Variants in ASB5 observed in about 807,000 individuals in gnomAD.
ASB5 encodes the protein ankyrin repeat and SOCS box containing 5.
Under a neutral mutation model 42.1 loss-of-function variants are expected in ASB5, and 45 were observed. That is an observed-to-expected ratio of 1.07 (90% CI 0.84 to 1.37). The LOEUF is 1.37. ASB5 is among the 40% of genes most tolerant of loss of function. The probability of loss-of-function intolerance (pLI) is 0.00; values close to 1 mark genes in which losing one functional copy is unlikely to be tolerated. For synonymous variants in ASB5, 147 were observed against 150.6 expected, an observed-to-expected ratio of 0.98 and a Z score of 0.18; for missense variants, 402 against 399.8, an observed-to-expected ratio of 1.01 and a Z score of -0.05.
At chr4:176,246,529 G>A (rs1579327055) in intron 1 of ASB5, among the ~76,000 whole-genome samples, 1 of 152,194 alleles carries the variant, frequency 6.6e-6, no homozygotes, top group South Asian at 2.1e-4. Flanking sequence ...GTGAGTTCAG[G>A]TGCTGTGAAC....
intron 1 of ASB5, among the ~76,000 whole-genome samples, chr4:176,248,003 G>A (rs983918893): frequency 1.3e-5 from 2 of 152,188 alleles, no homozygotes; most frequent in East Asian, 1.9e-4. Flanking sequence ...AATATTTGGC[G>A]AGCACATTGC....
rs944772358 is a variant in ASB5 at position 176,222,348 on chromosome 4, C to A, written c.349G>T (p.Ala117Ser). The change falls in exon 3 of 7, where the codon GCA becomes TCA. Residue 117 changes from alanine to serine, a missense_variant. By Grantham distance (99) the Ala-to-Ser change is moderately conservative. Transcript: ENST00000296525. ...LHEACLGDHV[A>S]CARTLLEAGA... ...GCTTCCAGCAGAGTTCTGGCACATG[C>A]CACGTGATCTCCAAGGCAGGCTTCG... is the stretch of plus-strand genomic sequence containing the variant. 3.1e-6 allele frequency: 5 copies of A among 1,613,936 alleles called. No individual in the cohort carries two copies. The highest frequency in any genetic ancestry group is 4.2e-6 in the Non-Finnish European group (5 of 1,179,888).
chr4:176,237,580 C>G, intron 1 of ASB5: 1 of 985,408 alleles, frequency 1.0e-6, no homozygotes, highest in Non-Finnish European at 1.2e-6. Flanking sequence ...ACATTGAACT[C>G]TATTCAGAAA....
intron 1 of ASB5, among the ~76,000 whole-genome samples, chr4:176,263,984 G>T (rs1190408288): frequency 6.6e-6 from 1 of 151,122 alleles, no homozygotes; most frequent in African/African-American, 2.4e-5. Flanking sequence ...CTGCCATTCA[G>T]CTTAAGGTCA....
chr4:176,215,770 G>T (rs755997089), intron 6 of ASB5, 43 bp from the exon 7 acceptor site: 2 of 1,560,776 alleles, frequency 1.3e-6, no homozygotes, highest in Non-Finnish European at 1.7e-6. Flanking sequence ...AAATAGAAAT[G>T]AATTTTTTAT....
chr4:176,249,919 G>T (rs1366156469), intron 1 of ASB5, among the ~76,000 whole-genome samples: 1 of 144,038 alleles, frequency 6.9e-6, no homozygotes, highest in African/African-American at 2.5e-5. Flanking sequence ...CAAAAAATTA[G>T]CCGGGCGTGG....
chr4:176,254,882 A>C (rs1004950540), intron 1 of ASB5, among the ~76,000 whole-genome samples: 2 of 152,242 alleles, frequency 1.3e-5, no homozygotes, highest in Admixed American at 1.3e-4. Flanking sequence ...CTGTAATCCC[A>C]GCACTTTGGG....
chr4:176,251,893 C>A (rs1754044672), intron 1 of ASB5, among the ~76,000 whole-genome samples: 1 of 151,208 alleles, frequency 6.6e-6, no homozygotes, highest in African/African-American at 2.4e-5. Context: ...TGGCTAGATC[C>A]CATCTCCACA....
intron 1 of ASB5, 102 bp downstream of exon 1, chr4:176,268,811 T>C (rs1298887263): frequency 9.7e-7 from 1 of 1,031,074 alleles, no homozygotes; most frequent in South Asian, 2.5e-5. Flanking sequence ...CAAAAGTTTA[T>C]AAAATATTTA....
chr4:176,228,693 A>G (rs926755232), intron 1 of ASB5, among the ~76,000 whole-genome samples: 1 of 152,226 alleles, frequency 6.6e-6, no homozygotes, highest in Non-Finnish European at 1.5e-5. Context: ...GCACACCAGC[A>G]AATATTTTTT....
chr4:176,221,353 C>T, intron 4 of ASB5, 64 bp from the exon 5 acceptor site: 13 of 1,600,510 alleles, frequency 8.1e-6, no homozygotes, highest in Non-Finnish European at 8.5e-6. Context: ...TCACCCCAGG[C>T]TTCCCTTGTG....
At chr4:176,263,453 T>C (rs1378325185) in intron 1 of ASB5, among the ~76,000 whole-genome samples, 1 of 152,172 alleles carries the variant, frequency 6.6e-6, no homozygotes, top group African/African-American at 2.4e-5. Context: ...CAAAAGTGTT[T>C]AGGCATTTCT....
intron 1 of ASB5, among the ~76,000 whole-genome samples, chr4:176,240,055 A>T (rs1753778298): frequency 1.3e-5 from 2 of 152,184 alleles, no homozygotes; most frequent in African/African-American, 4.8e-5. Flanking sequence ...TAGGGACAGA[A>T]TTGTTTAAAT....
At chr4:176,224,798 T>C (rs1020179631) in intron 2 of ASB5, among the ~76,000 whole-genome samples, 2 of 152,244 alleles carry the variant, frequency 1.3e-5, no homozygotes, top group Non-Finnish European at 2.9e-5. Context: ...CAGGCAAATA[T>C]AGAAATGATT....
intron 1 of ASB5, among the ~76,000 whole-genome samples, chr4:176,252,544 T>A (rs1754064152): frequency 6.6e-6 from 1 of 152,254 alleles, no homozygotes; most frequent in Admixed American, 6.5e-5. Flanking sequence ...TCATATGGCA[T>A]ACAAGCTGGT....
At chr4:176,218,992 T>C (rs1308723191) in intron 5 of ASB5, among the ~76,000 whole-genome samples, 1 of 16,580 alleles carries the variant, frequency 6.0e-5, no homozygotes, top group Non-Finnish European at 1.0e-4. Flanking sequence ...TATATATTTG[T>C]ATGATATATA....
At chr4:176,263,482 C>A (rs139506165) in intron 1 of ASB5, among the ~76,000 whole-genome samples, 1,683 of 151,704 alleles carry the variant, frequency 0.011, 30 homozygotes, top group African/African-American at 0.039. Context: ...AGAGCTTGGA[C>A]AAAATTAAAA....
At chr4:176,244,974 A>G (rs961339250) in intron 1 of ASB5, among the ~76,000 whole-genome samples, 1 of 151,956 alleles carries the variant, frequency 6.6e-6, no homozygotes, top group Admixed American at 6.6e-5. Flanking sequence ...CAACAGCAAC[A>G]ATAACAAAAA....
At chr4:176,242,708 A>G (rs886872801) in intron 1 of ASB5, among the ~76,000 whole-genome samples, 1 of 152,038 alleles carries the variant, frequency 6.6e-6, no homozygotes, top group Non-Finnish European at 1.5e-5. Context: ...TCCTGTCTTC[A>G]TTTTTCACTT....
Sources: gnomAD v4.1 joint callset for allele counts (sites outside exome capture counted in the v4.1 genomes callset) on GRCh38, gnomAD v4.1.1 for gene constraint, MANE v1.5 for transcripts, NCBI Gene and HGNC (gene_info 2026-07-23, HGNC 2026-07-21) for gene names.